Variants in ADCY9 observed in about 807,000 individuals in gnomAD.
ADCY9 encodes adenylate cyclase type 9.
ADCY9 carries 50 observed loss-of-function variants against 101.5 expected under a neutral mutation model. The observed-to-expected ratio is 0.49, with a 90% CI of 0.39 to 0.62. The LOEUF (loss-of-function observed/expected upper bound fraction) is 0.62, where lower values mean the gene tolerates loss of function less well. Ranked by LOEUF, ADCY9 falls within the 20% of genes least tolerant of loss-of-function variation. The pLI, the probability that ADCY9 is intolerant of heterozygous loss-of-function variation, is 0.00. For synonymous variants in ADCY9, 905 were observed against 769.3 expected (o/e 1.18, Z -2.92); for missense variants, 1,662 against 1,800.4 (o/e 0.92, Z 1.39).
chr16:4,069,378 T>C (rs1353182029), intron 2 of ADCY9, among the ~76,000 whole-genome samples: 1 of 151,836 alleles, frequency 6.6e-6, no homozygotes, highest in Non-Finnish European at 1.5e-5. Flanking sequence ...GGTTCCTTGG[T>C]TGTAAAATGC....
intron 5 of ADCY9, among the ~76,000 whole-genome samples, chr16:3,956,127 T>G (rs2055905085): frequency 1.3e-5 from 2 of 152,052 alleles, no homozygotes; most frequent in Non-Finnish European, 2.9e-5. Context: ...CTCAAACTTC[T>G]GGGCTCAAGT....
chr16:3,978,619 G>A (rs555709238), intron 8 of ADCY9, among the ~76,000 whole-genome samples: 2 of 152,358 alleles, frequency 1.3e-5, no homozygotes, highest in Admixed American at 1.3e-4. Flanking sequence ...CCACTGCCCG[G>A]GCGTGAGCAT....
At chr16:4,058,469 A>C (rs79778204) in intron 2 of ADCY9, among the ~76,000 whole-genome samples, 1 of 138,888 alleles carries the variant, frequency 7.2e-6, no homozygotes, top group Non-Finnish European at 1.5e-5. Context: ...GTCTCCAAGA[A>C]AAAAAAAAAA....
At chr16:4,011,981 G>A (rs1347489612) in intron 2 of ADCY9, among the ~76,000 whole-genome samples, 8 of 152,212 alleles carry the variant, frequency 5.3e-5, no homozygotes, top group Non-Finnish European at 1.0e-4. Context: ...GATTATCGAC[G>A]CAGTGTTTGA....
chr16:4,042,133 C>T (rs557168612), intron 2 of ADCY9, among the ~76,000 whole-genome samples: 7 of 152,046 alleles, frequency 4.6e-5, no homozygotes, highest in Admixed American at 4.6e-4. Flanking sequence ...CCATGTTGGC[C>T]AGGCTGGTCT....
At position 4,115,794 on chromosome 16, in the gene ADCY9, C is replaced by T; in HGVS notation, c.-148G>A. 1 of 400,288 alleles carries T rather than the reference C, an allele frequency of 2.5e-6. No individual in the cohort carries two copies. Among genetic ancestry groups the T allele is most frequent in the South Asian group, 1.2e-4 (1 of 8,354 alleles). 24.8% of individuals were successfully genotyped at this position (400,288 alleles called of 1,614,324 possible). A position where few individuals can be genotyped will look rare whatever the true frequency, so the allele number is the denominator to read the frequency against. ...CCCCGAGGGTGGCCTCCGCGCCGCGCGGCTTCTCCTCCTCGCGCGCTCGCC... is the reference window on the plus strand; with the variant it reads ...CCCCGAGGGTGGCCTCCGCGCCGCGTGGCTTCTCCTCCTCGCGCGCTCGCC... On this transcript the variant is annotated 5_prime_UTR_variant, in exon 1 of 11. Coordinates refer to ENST00000294016, the MANE Select transcript of ADCY9 (RefSeq NM_001116.4). The surrounding 1 kb of genome is among the most constrained non-coding windows in gnomAD (Gnocchi z 6.2).
downstream of ADCY9, among the ~76,000 whole-genome samples, chr16:3,960,539 A>C (rs545579235): frequency 1.3e-5 from 2 of 151,452 alleles, no homozygotes; most frequent in South Asian, 2.1e-4. Flanking sequence ...CCAAGCAACG[A>C]AACAACAACA....
downstream of ADCY9, among the ~76,000 whole-genome samples, chr16:3,961,666 C>G (rs1004504700): frequency 1.3e-5 from 2 of 152,088 alleles, no homozygotes; most frequent in African/African-American, 4.8e-5. Flanking sequence ...CACCAGAAGC[C>G]ATGAATTCAG....
chr16:3,986,927 C>T (rs1320512614), intron 6 of ADCY9, among the ~76,000 whole-genome samples: 1 of 152,236 alleles, frequency 6.6e-6, no homozygotes, highest in African/African-American at 2.4e-5. Context: ...TTCAACAGCT[C>T]CCCATGGCCT....
chr16:4,014,232 T>C (rs978770300), intron 2 of ADCY9, among the ~76,000 whole-genome samples: 3 of 151,476 alleles, frequency 2.0e-5, no homozygotes, highest in African/African-American at 4.8e-5. Flanking sequence ...GGCAGGAGAA[T>C]TGCTTGAACC....
intron 10 of ADCY9, among the ~76,000 whole-genome samples, chr16:3,969,996 C>T (rs985950759): frequency 2.0e-5 from 3 of 152,092 alleles, no homozygotes; most frequent in African/African-American, 7.2e-5. Flanking sequence ...TCACTATTAA[C>T]ATTTGTTGAA....
At chr16:4,092,868 C>T (rs1164105090) in intron 2 of ADCY9, among the ~76,000 whole-genome samples, 1 of 151,970 alleles carries the variant, frequency 6.6e-6, no homozygotes, top group Admixed American at 6.6e-5. Context: ...AAACCAGGAG[C>T]AAATGTGATA....
chr16:3,956,463 A>G (rs1321629466), intron 5 of ADCY9, among the ~76,000 whole-genome samples: 1 of 143,748 alleles, frequency 7.0e-6, no homozygotes, highest in Non-Finnish European at 1.5e-5. Flanking sequence ...AAACAGCAGG[A>G]AGGACAAGAC....
intron 2 of ADCY9, among the ~76,000 whole-genome samples, chr16:4,088,819 T>G (rs541463923): frequency 2.0e-5 from 3 of 152,222 alleles, no homozygotes; most frequent in African/African-American, 4.8e-5. Context: ...CAGCTTTATA[T>G]AGAGAGAATT....
intron 2 of ADCY9, among the ~76,000 whole-genome samples, chr16:4,102,559 G>A (rs536809042): frequency 2.0e-5 from 3 of 152,318 alleles, no homozygotes; most frequent in South Asian, 4.1e-4. Flanking sequence ...CCGAGTAGCT[G>A]GGACCACAGG....
At chr16:4,083,830 C>A in intron 2 of ADCY9, among the ~76,000 whole-genome samples, 1 of 152,084 alleles carries the variant, frequency 6.6e-6, no homozygotes, top group Non-Finnish European at 1.5e-5. Flanking sequence ...CAGAAAGCAG[C>A]TTAGGGGCTG....
intron 2 of ADCY9, among the ~76,000 whole-genome samples, chr16:4,012,962 G>A (rs1019785425): frequency 3.9e-5 from 6 of 152,122 alleles, no homozygotes; most frequent in Admixed American, 6.5e-5. Flanking sequence ...TCAACAGAAA[G>A]AGAACAACAG....
intron 2 of ADCY9, among the ~76,000 whole-genome samples, chr16:4,080,129 C>T (rs1333789095): frequency 6.6e-6 from 1 of 152,078 alleles, no homozygotes; most frequent in Non-Finnish European, 1.5e-5. Flanking sequence ...ACAGGAAAAT[C>T]CCCATGAAAT....
chr16:4,021,384 A>G (rs543520361), intron 2 of ADCY9, among the ~76,000 whole-genome samples: 86 of 152,322 alleles, frequency 5.6e-4, no homozygotes, highest in Non-Finnish European at 9.0e-4. Context: ...CAAATTCATG[A>G]ACCAGGTAGA....
Sources: allele counts gnomAD v4.1 joint callset (sites outside exome capture counted in the v4.1 genomes callset), GRCh38; gene constraint gnomAD v4.1.1; non-coding constraint Gnocchi (gnomAD v3.1); transcripts MANE v1.5; gene names NCBI Gene and HGNC (gene_info 2026-07-23, HGNC 2026-07-21).